Variants in RBFOX1 observed in about 807,000 individuals in gnomAD.
RBFOX1 encodes the protein RNA binding fox-1 homolog 1, also known as RNA binding protein fox-1 homolog 1.
RBFOX1 carries 8 observed loss-of-function variants against 57.7 expected under a neutral mutation model. The observed-to-expected ratio is 0.14, with a 90% CI of 0.08 to 0.25. RBFOX1 has a LOEUF of 0.25. RBFOX1 is among the 10% of genes least tolerant of loss of function. The probability of loss-of-function intolerance (pLI) is 1.00; values close to 1 mark genes in which losing one functional copy is unlikely to be tolerated. For missense variants in RBFOX1, 611 were observed against 548.5 expected, an observed-to-expected ratio of 1.11 and a Z score of -1.14; for synonymous variants, 326 against 222.4, an observed-to-expected ratio of 1.47 and a Z score of -4.15.
At chr16:5,308,445 A>G (rs2063995979) in intron 1 of RBFOX1, among the ~76,000 whole-genome samples, 1 of 152,162 alleles carries the variant, frequency 6.6e-6, no homozygotes, top group African/African-American at 2.4e-5. Context: ...CAAGGCTCAG[A>G]TAATATTTAT....
intron 4 of RBFOX1, among the ~76,000 whole-genome samples, chr16:5,969,541 C>T (rs1026383489): frequency 1.7e-4 from 24 of 143,314 alleles, no homozygotes; most frequent in Non-Finnish European, 2.7e-4. Flanking sequence ...CCAGGCTGGT[C>T]TCGAACTGCT....
intron 4 of RBFOX1, among the ~76,000 whole-genome samples, chr16:7,494,996 G>A (rs546985005): frequency 2.8e-4 from 43 of 152,056 alleles, no homozygotes; most frequent in African/African-American, 4.8e-4. Flanking sequence ...GTAGTCCCCC[G>A]TGTCTGTTGT....
At chr16:7,104,903 A>G (rs2063309206) in intron 4 of RBFOX1, among the ~76,000 whole-genome samples, 1 of 152,020 alleles carries the variant, frequency 6.6e-6, no homozygotes, top group South Asian at 2.1e-4. Context: ...TACAGCCCCA[A>G]CCATATTCAG....
At chr16:7,152,703 T>A (rs1179120546) in intron 4 of RBFOX1, among the ~76,000 whole-genome samples, 1 of 152,146 alleles carries the variant, frequency 6.6e-6, no homozygotes, top group Non-Finnish European at 1.5e-5. Flanking sequence ...ATGGGCAAAA[T>A]AAGTTGTGTC....
chr16:5,364,394 A>T (rs1950548913), intron 1 of RBFOX1, among the ~76,000 whole-genome samples: 1 of 152,210 alleles, frequency 6.6e-6, no homozygotes, highest in African/African-American at 2.4e-5. Flanking sequence ...AAAACAAGCC[A>T]GTTGCCAATC....
chr16:5,266,565 T>TTG (rs56335991), intron 1 of RBFOX1, among the ~76,000 whole-genome samples: 1 of 150,434 alleles, frequency 6.6e-6, no homozygotes, highest in African/African-American at 2.5e-5. Context: ...TTTTTTTTTT[T>TTG]GAGGCAGGAT....
rs571550765 is a variant in RBFOX1, at chr16:7,273,083, C to T, written c.27+220985C>T. On this transcript the variant is annotated intron_variant, in intron 4 of 15. Transcript: ENST00000550418. Reference sequence around the variant, plus strand: ...CCTTCCCTCCCTCCTTCCATCCTTCCGCTCTCCCTCCCTCCCTTTCCTCCT... The same window carrying T: ...CCTTCCCTCCCTCCTTCCATCCTTCTGCTCTCCCTCCCTCCCTTTCCTCCT... Among the ~76,000 whole-genome samples the T allele has an allele frequency of 1.3e-3, 163 of 121,808 alleles. 13 individuals carry two copies. Among genetic ancestry groups the T allele is most frequent in the African/African-American group, 4.9e-3 (150 of 30,308 alleles). The allele number at this position is 121,808 out of a possible 152,430, so 79.9% of individuals were successfully genotyped here.
chr16:5,266,539 A>G (rs1322514872), intron 1 of RBFOX1, among the ~76,000 whole-genome samples: 1 of 135,284 alleles, frequency 7.4e-6, no homozygotes, highest in Non-Finnish European at 1.5e-5. Flanking sequence ...GGTAATATGG[A>G]AATGTTCAGT....
chr16:6,680,545 A>G (rs2058496431), intron 3 of RBFOX1, among the ~76,000 whole-genome samples: 2 of 152,046 alleles, frequency 1.3e-5, no homozygotes, highest in Non-Finnish European at 2.9e-5. Flanking sequence ...TTACAGGCGT[A>G]AGCCACCGCG....
At chr16:6,063,725 C>T (rs1276580898) in intron 1 of RBFOX1, among the ~76,000 whole-genome samples, 1 of 152,146 alleles carries the variant, frequency 6.6e-6, no homozygotes, top group East Asian at 1.9e-4. Flanking sequence ...CAACCAGGAG[C>T]ACAGAGTGCA....
At chr16:7,320,693 T>C (rs1035514576) in intron 4 of RBFOX1, among the ~76,000 whole-genome samples, 1 of 152,234 alleles carries the variant, frequency 6.6e-6, no homozygotes, top group African/African-American at 2.4e-5. Context: ...ATTTAAACGC[T>C]CAGCACTCTA....
intron 3 of RBFOX1, among the ~76,000 whole-genome samples, chr16:6,908,739 C>T (rs563412096): frequency 5.3e-5 from 8 of 152,162 alleles, no homozygotes; most frequent in African/African-American, 1.7e-4. Context: ...AATCCTTGTT[C>T]ACCTCATTGA....
intron 3 of RBFOX1, among the ~76,000 whole-genome samples, chr16:6,696,495 T>C (rs979515503): frequency 6.6e-6 from 1 of 152,196 alleles, no homozygotes; most frequent in African/African-American, 2.4e-5. Context: ...GGTAATGAGA[T>C]TCAGTTTTTC....
At chr16:6,432,503 C>G (rs2094127614) in intron 2 of RBFOX1, among the ~76,000 whole-genome samples, 1 of 146,076 alleles carries the variant, frequency 6.8e-6, no homozygotes, top group African/African-American at 2.6e-5. Flanking sequence ...GTAACCTCAT[C>G]TTTACTAAAA....
In RBFOX1 at chr16:7,162,247, C is replaced by G. The variant is rs546331066; in HGVS notation, c.27+110149C>G. 4.6e-5 allele frequency among the ~76,000 whole-genome samples: 7 copies of G among 152,258 alleles called. No homozygotes were observed. In the East Asian group the frequency reaches 9.7e-4, roughly 21 times the overall value. On this transcript the variant is annotated intron_variant, in intron 4 of 15. Transcript: ENST00000550418. ...ATCTACAATTTATCTGTCCACTCATCCATCATCTACTTATATTTCCTCTCT... is the reference window on the plus strand; with the variant it reads ...ATCTACAATTTATCTGTCCACTCATGCATCATCTACTTATATTTCCTCTCT...
intron 3 of RBFOX1, among the ~76,000 whole-genome samples, chr16:6,888,021 G>T (rs184067849): frequency 3.9e-5 from 6 of 152,144 alleles, no homozygotes; most frequent in Admixed American, 2.6e-4. Flanking sequence ...TTGGGTGATT[G>T]ATTTGAGGTG....
chr16:6,929,694 T>C (rs2076193457), intron 3 of RBFOX1, among the ~76,000 whole-genome samples: 1 of 148,448 alleles, frequency 6.7e-6, no homozygotes, highest in Admixed American at 6.7e-5. Flanking sequence ...AGAGAATGTG[T>C]TACTACGGGG....
At position 7,077,235 on chromosome 16, in the gene RBFOX1, G is replaced by T. The variant is rs559771544; in HGVS notation, c.27+25137G>T. 5.9e-5 allele frequency among the ~76,000 whole-genome samples: 9 copies of T among 152,326 alleles called. No individual in the cohort carries two copies. In the East Asian group the frequency reaches 1.7e-3, roughly 29 times the overall value. On this transcript the variant is annotated intron_variant, in intron 4 of 15. Coordinates refer to ENST00000550418, the MANE Select transcript of RBFOX1 (RefSeq NM_018723.4). The stretch of plus-strand genomic sequence containing the variant: ...AGTCTTTGTTCAGACAATCCATGAG[G>T]GGAAATGTTGGCATTGGTGGGCAAG...
At chr16:7,616,761 A>T (rs2058513145) in intron 10 of RBFOX1, among the ~76,000 whole-genome samples, 1 of 152,022 alleles carries the variant, frequency 6.6e-6, no homozygotes, top group South Asian at 2.1e-4. Flanking sequence ...TGAACTCCTG[A>T]CCTCAAGCAA....
Sources: allele counts gnomAD v4.1 joint callset (sites outside exome capture counted in the v4.1 genomes callset), GRCh38; gene constraint gnomAD v4.1.1; transcripts MANE v1.5; gene names NCBI Gene and HGNC (gene_info 2026-07-23, HGNC 2026-07-21).